ERC2: variants seen among roughly 807,000 people sequenced by gnomAD.
The protein encoded by ERC2 is ELKS/RAB6-interacting/CAST family member 2.
Under a neutral mutation model 114.8 loss-of-function variants are expected in ERC2, and 42 were observed. The observed-to-expected ratio is 0.37, with a 90% CI of 0.29 to 0.47. The LOEUF (loss-of-function observed/expected upper bound fraction) is 0.47. ERC2 is among the 20% of genes least tolerant of loss of function. The pLI is 0.99. For synonymous variants in ERC2, 454 were observed against 425.5 expected, an observed-to-expected ratio of 1.07 and a Z score of -0.82; for missense variants, 939 against 1,150.7, an observed-to-expected ratio of 0.82 and a Z score of 2.66.
intron 12 of ERC2, among the ~76,000 whole-genome samples, chr3:55,971,986 A>G (rs559276506): frequency 6.6e-6 from 1 of 152,260 alleles, no homozygotes; most frequent in Non-Finnish European, 1.5e-5. Context: ...TATTGATACT[A>G]GCTCAGTTCA....
At chr3:56,305,512 C>CACACACA (rs2056162094) in intron 2 of ERC2, among the ~76,000 whole-genome samples, 10 of 144,440 alleles carry the variant, frequency 6.9e-5, no homozygotes, top group African/African-American at 2.6e-4. Flanking sequence ...ACTCTCTTAT[C>CACACACA]CACACACACA....
rs888803356 is a variant in ERC2, at chr3:55,875,267, A to G, written c.2564+13122T>C. 3.9e-5 allele frequency among the ~76,000 whole-genome samples: 6 copies of G among 152,348 alleles called. No homozygotes were observed. In the South Asian group the frequency reaches 1.2e-3, roughly 32 times the overall value. On this transcript the variant is annotated intron_variant, in intron 14 of 17. Coordinates refer to ENST00000288221, the MANE Select transcript of ERC2 (RefSeq NM_015576.3). ...CCAAGCTCAGGGCTCAGTGAACTGA[A>G]CACAAAAACACCAATTTCAAAATAG...
chr3:55,737,850 T>A (rs1430779412), intron 14 of ERC2, among the ~76,000 whole-genome samples: 1 of 152,170 alleles, frequency 6.6e-6, no homozygotes, highest in East Asian at 1.9e-4. Flanking sequence ...AGAGGTGGTA[T>A]TTCTTTTTGG....
At chr3:56,335,884 G>C (rs968465590) in intron 2 of ERC2, among the ~76,000 whole-genome samples, 1 of 152,100 alleles carries the variant, frequency 6.6e-6, no homozygotes, top group African/African-American at 2.4e-5. Context: ...GGAGAAACAG[G>C]GTGGGTGGGC....
At chr3:56,325,533 T>A (rs1401176666) in intron 2 of ERC2, among the ~76,000 whole-genome samples, 1 of 152,198 alleles carries the variant, frequency 6.6e-6, no homozygotes, top group Non-Finnish European at 1.5e-5. Context: ...ATATTTCTTC[T>A]ATTAGTGAAT....
intron 17 of ERC2, among the ~76,000 whole-genome samples, chr3:55,528,567 G>A (rs1247724422): frequency 1.3e-5 from 2 of 152,192 alleles, no homozygotes; most frequent in South Asian, 2.1e-4. Flanking sequence ...TCACAAGGCA[G>A]GCATAATATT....
intron 2 of ERC2, among the ~76,000 whole-genome samples, chr3:56,348,612 A>T (rs1239930343): frequency 1.3e-5 from 2 of 151,258 alleles, no homozygotes; most frequent in Non-Finnish European, 2.9e-5. Context: ...GCAGGTTCTT[A>T]AACATTGGTT....
At chr3:56,358,501 C>G (rs1423865160) in intron 2 of ERC2, among the ~76,000 whole-genome samples, 2 of 152,180 alleles carry the variant, frequency 1.3e-5, no homozygotes, top group African/African-American at 4.8e-5. Context: ...GTTAATAGGT[C>G]AAAAGCCTAC....
chr3:56,338,443 G>A (rs763148916), intron 2 of ERC2, among the ~76,000 whole-genome samples: 41 of 152,140 alleles, frequency 2.7e-4, no homozygotes, highest in Non-Finnish European at 5.0e-4. Flanking sequence ...CAAAATCCTG[G>A]TGGGGGATGA....
intron 17 of ERC2, among the ~76,000 whole-genome samples, chr3:55,652,204 G>A (rs1413473094): frequency 1.3e-5 from 2 of 152,222 alleles, no homozygotes; most frequent in East Asian, 1.9e-4. Flanking sequence ...GTAAAGGGCA[G>A]TGCACTGTGT....
intron 7 of ERC2, among the ~76,000 whole-genome samples, chr3:56,023,770 G>GGAAT (rs1184653262): frequency 1.4e-5 from 2 of 145,488 alleles, no homozygotes; most frequent in African/African-American, 2.6e-5. Flanking sequence ...AATGAAAAAA[G>GGAAT]GAATGAAGGA....
intron 2 of ERC2, among the ~76,000 whole-genome samples, chr3:56,355,197 GTTGT>G (rs1285573547): frequency 2.0e-5 from 3 of 152,232 alleles, no homozygotes; most frequent in Non-Finnish European, 4.4e-5. Flanking sequence ...ATGAGCCCCT[GTTGT>G]TTGTTAGCAC....
intron 15 of ERC2, among the ~76,000 whole-genome samples, chr3:55,715,382 T>C (rs1434865612): frequency 6.6e-6 from 1 of 152,162 alleles, no homozygotes; most frequent in East Asian, 1.9e-4. Flanking sequence ...GTTAATAGTA[T>C]AGCTCTAAGT....
intron 17 of ERC2, among the ~76,000 whole-genome samples, chr3:55,579,439 G>A (rs1416702088): frequency 6.6e-6 from 1 of 152,164 alleles, no homozygotes; most frequent in East Asian, 1.9e-4. Flanking sequence ...TATGCTGGGA[G>A]ACATATTTGC....
At chr3:56,275,303 C>T (rs1202912027) in intron 3 of ERC2, among the ~76,000 whole-genome samples, 5 of 152,156 alleles carry the variant, frequency 3.3e-5, no homozygotes, top group Admixed American at 2.0e-4. Flanking sequence ...ACCACTAGCA[C>T]CAGTGAGTGT....
chr3:56,370,783 A>G (rs1048016927), intron 2 of ERC2, among the ~76,000 whole-genome samples: 5 of 151,604 alleles, frequency 3.3e-5, no homozygotes, highest in African/African-American at 1.2e-4. Context: ...TTAGTAGAGA[A>G]GGGGTTTCAC....
At chr3:55,842,744 T>C (rs555268951) in intron 14 of ERC2, among the ~76,000 whole-genome samples, 14 of 152,114 alleles carry the variant, frequency 9.2e-5, no homozygotes, top group Middle Eastern at 3.4e-3. Flanking sequence ...TTTTCCCAGA[T>C]CTCAAGAAAG....
intron 17 of ERC2, among the ~76,000 whole-genome samples, chr3:55,579,851 C>T (rs183271673): frequency 6.6e-6 from 1 of 152,226 alleles, no homozygotes; most frequent in Non-Finnish European, 1.5e-5. Flanking sequence ...AAGAATGCTC[C>T]TTCCTGCATT....
At chr3:55,824,923 G>A (rs958919188) in intron 14 of ERC2, among the ~76,000 whole-genome samples, 3 of 152,148 alleles carry the variant, frequency 2.0e-5, no homozygotes, top group African/African-American at 2.4e-5. Context: ...TACAGAACAT[G>A]TTCATTCATT....
Sources: allele counts gnomAD v4.1 joint callset (sites outside exome capture counted in the v4.1 genomes callset), GRCh38; gene constraint gnomAD v4.1.1; transcripts MANE v1.5; gene names NCBI Gene and HGNC (gene_info 2026-07-23, HGNC 2026-07-21).